The following LGR6 variants were observed in gnomAD, a reference collection of about 807,000 sequenced individuals.
LGR6 encodes the protein leucine-rich repeat-containing G protein-coupled receptor 6.
In LGR6, 45 loss-of-function variants were observed where a neutral mutation model predicts 69.4. The ratio of observed to expected loss-of-function variants is 0.65; its 90% confidence interval spans 0.51 to 0.83. LGR6 has a LOEUF of 0.83. LGR6 is among the 40% of genes least tolerant of loss of function. The pLI is 0.00. For missense variants in LGR6, 1,108 were observed against 1,246.7 expected (o/e 0.89, Z 1.68); for synonymous variants, 538 against 555.0 (o/e 0.97, Z 0.43).
intron 17 of LGR6, among the ~76,000 whole-genome samples, chr1:202,316,993 C>T (rs1294558530): frequency 1.3e-5 from 2 of 152,110 alleles, no homozygotes; most frequent in South Asian, 2.1e-4. Context: ...AATTTACCTC[C>T]GAAATACTGA....
At chr1:202,316,589 T>C (rs1337742626) in intron 17 of LGR6, among the ~76,000 whole-genome samples, 1 of 152,052 alleles carries the variant, frequency 6.6e-6, no homozygotes. Flanking sequence ...TGAAAACCTA[T>C]ATGTATGTAT....
intron 4 of LGR6, among the ~76,000 whole-genome samples, chr1:202,263,694 C>T (rs919364807): frequency 1.3e-5 from 2 of 151,960 alleles, no homozygotes; most frequent in Non-Finnish European, 2.9e-5. Context: ...TCAGAAGGCT[C>T]TAGAAAGAGG....
chr1:202,314,997 C>G, intron 17 of LGR6, 115 bp downstream of exon 17: 1 of 731,774 alleles, frequency 1.4e-6, no homozygotes, highest in Non-Finnish European at 2.4e-6. Flanking sequence ...TTGCCTGACT[C>G]CCAGCCTGCT....
chr1:202,251,067 G>A (rs1410433289), intron 4 of LGR6, among the ~76,000 whole-genome samples: 1 of 152,054 alleles, frequency 6.6e-6, no homozygotes, highest in Non-Finnish European at 1.5e-5. Context: ...AGAGCTGAGA[G>A]GGGGAGTAAA....
chr1:202,232,336 C>G (rs546724466), intron 3 of LGR6, among the ~76,000 whole-genome samples: 1 of 152,220 alleles, frequency 6.6e-6, no homozygotes, highest in Non-Finnish European at 1.5e-5. Context: ...CCCCAAATGC[C>G]TCTCTGGCCA....
At chr1:202,238,661 G>C (rs1661838185) in intron 4 of LGR6, among the ~76,000 whole-genome samples, 3 of 151,868 alleles carry the variant, frequency 2.0e-5, no homozygotes, top group African/African-American at 7.3e-5. Flanking sequence ...CTGACCTCGT[G>C]ATTCACCTGC....
chr1:202,220,618 C>T (rs1660084659), intron 1 of LGR6, among the ~76,000 whole-genome samples: 1 of 152,208 alleles, frequency 6.6e-6, no homozygotes, highest in African/African-American at 2.4e-5. Flanking sequence ...CAGGGTCACA[C>T]AGCTAGTGAG....
At chr1:202,239,344 GGTGTGTGTGTGTGTGTGTGTGTGT>G (rs36157781) in intron 4 of LGR6, among the ~76,000 whole-genome samples, 1 of 144,156 alleles carries the variant, frequency 6.9e-6, no homozygotes, top group South Asian at 2.3e-4. Context: ...GTGTGTGTGT[GGTGTGTGTGTGTGTGTGTGTGTGT>G]GTGTGTGTGT....
intron 7 of LGR6, among the ~76,000 whole-genome samples, chr1:202,297,818 G>A (rs1340038583): frequency 6.6e-6 from 1 of 152,136 alleles, no homozygotes; most frequent in African/African-American, 2.4e-5. Context: ...ATGGCCCTGG[G>A]GCCTTCCAGC....
rs1312046210 is a variant in LGR6 at position 202,284,784 on chromosome 1, C to T, written c.716+3932C>T. ...AAGGGCCCACCCTCATGCTCTAGATCTGGGAACTTGATGGCTGAATCTCAG... is the reference window on the plus strand; with the variant it reads ...AAGGGCCCACCCTCATGCTCTAGATTTGGGAACTTGATGGCTGAATCTCAG... On this transcript the variant is annotated intron_variant, in intron 6 of 17. Coordinates refer to ENST00000367278, the MANE Select transcript of LGR6 (RefSeq NM_001017403.2). 2.6e-5 allele frequency among the ~76,000 whole-genome samples: 4 copies of T among 152,222 alleles called. No individual in the cohort carries two copies. In the South Asian group the frequency reaches 6.2e-4, roughly 24 times the overall value.
intron 4 of LGR6, among the ~76,000 whole-genome samples, chr1:202,241,923 G>C (rs1468120131): frequency 6.6e-6 from 1 of 152,128 alleles, no homozygotes; most frequent in Non-Finnish European, 1.5e-5. Context: ...AGCAGTACCA[G>C]ACTCCAAACT....
chr1:202,262,723 T>A (rs2148111534), intron 4 of LGR6, among the ~76,000 whole-genome samples: 1 of 152,344 alleles, frequency 6.6e-6, no homozygotes, highest in Non-Finnish European at 1.5e-5. Flanking sequence ...TTTATTTCCA[T>A]AATCTTCGCC....
At chr1:202,244,304 T>C (rs1258443863) in intron 4 of LGR6, among the ~76,000 whole-genome samples, 2 of 152,112 alleles carry the variant, frequency 1.3e-5, no homozygotes, top group African/African-American at 4.8e-5. Flanking sequence ...TGACACACAC[T>C]GAAAATTAAG....
intron 4 of LGR6, among the ~76,000 whole-genome samples, chr1:202,275,011 A>G (rs1406048718): frequency 6.6e-6 from 1 of 152,176 alleles, no homozygotes; most frequent in Non-Finnish European, 1.5e-5. Context: ...CTTCACAGAG[A>G]GAGCACTGAT....
At chr1:202,210,553 C>T (rs1440877292) in intron 1 of LGR6, among the ~76,000 whole-genome samples, 1 of 152,120 alleles carries the variant, frequency 6.6e-6, no homozygotes, top group Non-Finnish European at 1.5e-5. Context: ...GGCAGGAGCC[C>T]GAGGTGTGGC....
chr1:202,206,255 A>C (rs1659227497), intron 1 of LGR6, among the ~76,000 whole-genome samples: 1 of 152,264 alleles, frequency 6.6e-6, no homozygotes, highest in African/African-American at 2.4e-5. Flanking sequence ...GAAGGGAACC[A>C]TTGTCTAGGA....
At chr1:202,274,036 T>C (rs1665336513) in intron 4 of LGR6, among the ~76,000 whole-genome samples, 2 of 152,092 alleles carry the variant, frequency 1.3e-5, no homozygotes, top group Non-Finnish European at 2.9e-5. Context: ...GAGGAGAGTC[T>C]GGGCATCTGC....
intron 1 of LGR6, among the ~76,000 whole-genome samples, chr1:202,203,558 T>A (rs73085676): frequency 6.6e-6 from 1 of 152,176 alleles, no homozygotes; most frequent in South Asian, 2.1e-4. Flanking sequence ...CATTCATTCA[T>A]TCAATCACTC....
chr1:202,274,321 G>A (rs1163970254), intron 4 of LGR6, among the ~76,000 whole-genome samples: 7 of 152,138 alleles, frequency 4.6e-5, no homozygotes, highest in Non-Finnish European at 7.3e-5. Context: ...TGGGTGCTGC[G>A]AGTTCACAGC....
Sources: gnomAD v4.1 joint callset for allele counts (sites outside exome capture counted in the v4.1 genomes callset) on GRCh38, gnomAD v4.1.1 for gene constraint, MANE v1.5 for transcripts, NCBI Gene and HGNC (gene_info 2026-07-23, HGNC 2026-07-21) for gene names.